Variants in MICAL3 observed in about 807,000 individuals in gnomAD.
The protein encoded by MICAL3 is microtubule associated monooxygenase, calponin and LIM domain containing 3, also known as [F-actin]-monooxygenase MICAL3.
In MICAL3, 62 loss-of-function variants were observed where a neutral mutation model predicts 207.4. The ratio of observed to expected loss-of-function variants is 0.30; its 90% CI spans 0.24 to 0.37. MICAL3 has a LOEUF of 0.37. Among genes scored for constraint, MICAL3 ranks in the 10% least tolerant of loss-of-function variants. MICAL3 has a pLI of 1.00. For missense variants in MICAL3, 2,368 were observed against 2,635.6 expected, an observed-to-expected ratio of 0.90 and a Z score of 2.22; for synonymous variants, 1,077 against 1,069.3, an observed-to-expected ratio of 1.01 and a Z score of -0.14.
intron 1 of MICAL3, among the ~76,000 whole-genome samples, chr22:17,923,900 G>T (rs941112168): frequency 6.6e-6 from 1 of 152,230 alleles, no homozygotes; most frequent in Non-Finnish European, 1.5e-5. Flanking sequence ...AAGGAAAGAG[G>T]TTTAATTGAC....
chr22:17,904,172 C>G (rs1018917132), intron 3 of MICAL3, among the ~76,000 whole-genome samples: 3 of 152,256 alleles, frequency 2.0e-5, no homozygotes, highest in African/African-American at 4.8e-5. Context: ...TGGCTCCCCC[C>G]AGGACTGTGT....
intron 1 of MICAL3, among the ~76,000 whole-genome samples, chr22:17,956,439 C>G (rs1449770833): frequency 1.3e-5 from 2 of 152,030 alleles, no homozygotes; most frequent in African/African-American, 4.8e-5. Context: ...TTTGGGAGGC[C>G]GAGGCGGGCC....
intron 9 of MICAL3, among the ~76,000 whole-genome samples, 187 bp from the exon 10 acceptor site, chr22:17,895,597 AACCG>A (rs1277750597): frequency 6.6e-6 from 1 of 151,990 alleles, no homozygotes; most frequent in African/African-American, 2.4e-5. Context: ...ATCCCACAGG[AACCG>A]ACCGGGTAAG....
rs372566077 is a variant in MICAL3, at chr22:17,790,804, G to A, written c.5937C>T (p.Leu1979=). 8.1e-6 allele frequency: 13 copies of A among 1,613,492 alleles called. No individual in the cohort carries two copies. The highest frequency in any genetic ancestry group is 1.1e-5 in the Non-Finnish European group (13 of 1,179,812). Residue 1979 remains leucine, a synonymous_variant, in exon 32 of 32, where the codon CTC becomes CTT. Coordinates refer to ENST00000441493, the MANE Select transcript of MICAL3 (RefSeq NM_015241.3). ...GGTCCTTGTCCTCCTCTCTCTCCCGGAGCCGCTGCTCCTCCAGCAGCGCCA... is the reference window on the plus strand; with the variant it reads ...GGTCCTTGTCCTCCTCTCTCTCCCGAAGCCGCTGCTCCTCCAGCAGCGCCA... ...SLVALLEEQR[L]REREEDKDLE...
intron 27 of MICAL3, among the ~76,000 whole-genome samples, chr22:17,815,909 C>T (rs758140016): frequency 2.8e-4 from 42 of 152,218 alleles, no homozygotes; most frequent in Non-Finnish European, 5.7e-4. Flanking sequence ...CAAGTCCAAG[C>T]CCTAGAAGCC....
intron 20 of MICAL3, chr22:17,834,185 T>C: frequency 1.0e-6 from 1 of 982,516 alleles, no homozygotes; most frequent in Non-Finnish European, 1.2e-6. Flanking sequence ...GCTGTGTGAC[T>C]GTGAGTTGAT....
intron 19 of MICAL3, chr22:17,864,141 A>T (rs750387733): frequency 5.5e-5 from 54 of 987,750 alleles, no homozygotes; most frequent in Non-Finnish European, 6.5e-5. Context: ...ATTCTTCCCA[A>T]CAGGCCTGGT....
At chr22:17,997,960 A>C (rs910859913) in intron 1 of MICAL3, among the ~76,000 whole-genome samples, 7 of 151,886 alleles carry the variant, frequency 4.6e-5, no homozygotes, top group African/African-American at 1.7e-4. Context: ...AAAGAAAAAG[A>C]TGTGTGGATT....
intron 1 of MICAL3, among the ~76,000 whole-genome samples, chr22:18,018,488 C>A (rs559869511): frequency 6.6e-6 from 1 of 152,162 alleles, no homozygotes; most frequent in Admixed American, 6.5e-5. Context: ...CTTTGGGAGG[C>A]CAAGGCAGGT....
intron 26 of MICAL3, 36 bp downstream of exon 26, chr22:17,817,275 C>T (rs755614484): frequency 2.1e-5 from 33 of 1,542,228 alleles, no homozygotes; most frequent in Admixed American, 3.9e-5. Flanking sequence ...GCACCCCTCC[C>T]GCTCTGCCTG....
chr22:17,974,360 T>A (rs1031368983), intron 1 of MICAL3, among the ~76,000 whole-genome samples: 1 of 152,216 alleles, frequency 6.6e-6, no homozygotes, highest in African/African-American at 2.4e-5. Context: ...AAACGGGAAT[T>A]ACTAGTACTG....
Position 17,793,631 on chromosome 22 carries a change from G to A in MICAL3, c.5651-2330C>T, listed in dbSNP as rs2145949811. 1 of 152,502 alleles carries A rather than the reference G, an allele frequency of 6.6e-6. No homozygotes were observed. Among genetic ancestry groups the A allele is most frequent in the East Asian group, 1.9e-4 (1 of 5,170 alleles). The allele number at this position is 152,502 out of a possible 1,614,324, so 9.4% of individuals were successfully genotyped here. A position where few individuals can be genotyped will look rare whatever the true frequency, so the allele number is the denominator to read the frequency against. ...AGGACTATTGAGGGTCAGAGAGAAA[G>A]AAAGAGAGAGAGGTAGGTGGGTTCT... On this transcript the variant is annotated intron_variant, in intron 29 of 31. Coordinates refer to ENST00000441493, the MANE Select transcript of MICAL3 (RefSeq NM_015241.3). The surrounding 1 kb of genome is among the most constrained non-coding windows in gnomAD (Gnocchi z 4.1).
At chr22:17,976,235 T>C (rs139626782) in intron 1 of MICAL3, among the ~76,000 whole-genome samples, 1 of 152,334 alleles carries the variant, frequency 6.6e-6, no homozygotes, top group East Asian at 1.9e-4. Context: ...TTCTGGTAAC[T>C]TGTCCACATA....
Position 17,866,023 on chromosome 22 carries a change from C to A in MICAL3, c.2429-11G>T. ...TACAGTAGAATTTACCTGCAGACAG[C>A]AAGAGGCAGGGACAGAGGCGATGAG... On this transcript the variant is annotated splice_polypyrimidine_tract_variant and intron_variant, in intron 17 of 31. Transcript: ENST00000441493. 6.2e-7 allele frequency: 1 copy of A among 1,605,452 alleles called. No individual in the cohort carries two copies. The highest frequency in any genetic ancestry group is 1.3e-5 in the African/African-American group (1 of 74,840).
intron 20 of MICAL3, chr22:17,840,576 G>A (rs1464403885): frequency 6.6e-6 from 1 of 152,204 alleles, no homozygotes; most frequent in Non-Finnish European, 1.5e-5. Context: ...CTGCCCCACT[G>A]CCTCTCACAA....
chr22:17,896,733 G>C lies in MICAL3; in HGVS notation c.1197C>G (p.Ser399Arg). The change falls in exon 8 of 32, where the codon AGC becomes AGG. Residue 399 changes from serine to arginine, a missense_variant. Physicochemically the swap from Ser to Arg is moderately radical, Grantham distance 110 (BLOSUM62 -1). Around this residue, in one of 4 missense-constraint regions of MICAL3, gnomAD observed 400 missense variants for 547.0 expected, o/e 0.73. Coordinates refer to ENST00000441493, the MANE Select transcript of MICAL3 (RefSeq NM_015241.3). ...CATGCTTAGCACTCACCTCTAGGAG[G>C]CTGTCCCCGACCAGAGCCACTAGTA... is the stretch of plus-strand genomic sequence containing the variant. The part of the protein sequence containing the change: ...HQLLVALVGD[S>R]LLEPFWPMGT... 1.2e-6 allele frequency: 2 copies of C among 1,613,594 alleles called. No homozygotes were observed. Among genetic ancestry groups the C allele is most frequent in the Non-Finnish European group, 1.7e-6 (2 of 1,179,806 alleles).
Position 17,887,445 on chromosome 22 carries a change from G to T in MICAL3, c.1892-10C>A, listed in dbSNP as rs747331464. The T allele has an allele frequency of 1.9e-6, 3 of 1,593,732 alleles. No individual in the cohort carries two copies. The highest frequency in any genetic ancestry group is 2.2e-5 in the South Asian group (2 of 90,118). ...TTTAGGTCCAAGGTGTCTGGGAATA[G>T]AAACCAGTGATGTTCAAGCACAGCC... is the stretch of plus-strand genomic sequence containing the variant. On this transcript the variant is annotated splice_polypyrimidine_tract_variant and intron_variant, in intron 13 of 31. Coordinates refer to ENST00000441493, the MANE Select transcript of MICAL3 (RefSeq NM_015241.3).
chr22:17,817,311 C>A lies in MICAL3; in HGVS notation c.5350G>T (p.Glu1784Ter). The change falls in exon 26 of 32, where the codon GAG becomes TAG. Residue 1784 changes from glutamate (E) to a stop codon, truncating the protein, a stop_gained and splice_region_variant. Transcript: ENST00000441493. LOFTEE classifies it high-confidence loss of function. ...KHRVLPVVRA[E>*]LQLRRQLSFS... is the part of the protein sequence containing the mutation. ...CACGCGGACCCGGCTGCTGACGCAC[C>A]TGCCCTTACGACGGGAAGCACCCTG... 6.3e-7 allele frequency: 1 copy of A among 1,591,206 alleles called. No individual in the cohort carries two copies. The highest frequency in any genetic ancestry group is 8.6e-7 in the Non-Finnish European group (1 of 1,169,152).
In MICAL3 at chr22:17,864,876, G is replaced by A. The variant is rs186699018; in HGVS notation, c.2605+23C>T. 5.8e-5 allele frequency: 93 copies of A among 1,613,884 alleles called. No individual in the cohort carries two copies. The African/African-American group carries it at 1.2e-3, about 21-fold the overall frequency. On this transcript the variant is annotated intron_variant, in intron 19 of 31. Transcript: ENST00000441493. The stretch of plus-strand genomic sequence containing the variant: ...GGCCGAGGGAGTGACGCGCCACCCA[G>A]CCAAACAAGGAAGTGAGGCTACCTG...
Sources: gnomAD v4.1 joint callset for allele counts (sites outside exome capture counted in the v4.1 genomes callset) on GRCh38, gnomAD v4.1.1 for gene constraint, gnomAD v4.1.1 regional missense constraint, Gnocchi (gnomAD v3.1) non-coding constraint, MANE v1.5 for transcripts, NCBI Gene and HGNC (gene_info 2026-07-23, HGNC 2026-07-21) for gene names.